Variants in STXBP5L observed in about 807,000 individuals in gnomAD.
STXBP5L encodes syntaxin binding protein 5L, also known as syntaxin-binding protein 5-like.
STXBP5L carries 65 observed loss-of-function variants against 144.5 expected under a neutral mutation model. That is an observed-to-expected ratio of 0.45 (90% CI 0.37 to 0.55). The LOEUF (loss-of-function observed/expected upper bound fraction) is 0.55. STXBP5L is among the 20% of genes least tolerant of loss of function. STXBP5L has a pLI of 0.00. For synonymous variants in STXBP5L, 505 were observed against 469.6 expected (o/e 1.08, Z -0.97); for missense variants, 1,298 against 1,405.5 (o/e 0.92, Z 1.22).
rs146719934 is a variant in STXBP5L at position 121,036,906 on chromosome 3, TA to T, written c.288-4793del. On this transcript the variant is annotated intron_variant, in intron 3 of 26. Transcript: ENST00000471454. ...GGCATAAATCCCACTGGTTATATTA[TA>T]TAATTCTTTAAAAAATTTTAAAAAT... Among the ~76,000 whole-genome samples, 899 of 151,816 alleles carry T rather than the reference TA, an allele frequency of 5.9e-3. 8 individuals are homozygous for T. The highest frequency in any genetic ancestry group is 0.02 in the African/African-American group (830 of 41,502).
intron 9 of STXBP5L, among the ~76,000 whole-genome samples, chr3:121,202,602 C>G (rs2048180284): frequency 6.6e-6 from 1 of 151,774 alleles, no homozygotes; most frequent in South Asian, 2.1e-4. Flanking sequence ...AACAAATTCT[C>G]TCAGTTTTTG....
In STXBP5L at chr3:121,378,866, CTTT is replaced by C. The variant is rs762367901; in HGVS notation, c.2328_2330del (p.Leu777del). 2.1e-5 allele frequency: 34 copies of C among 1,613,252 alleles called. No individual in the cohort carries two copies. The highest frequency in any genetic ancestry group is 1.2e-4 in the Admixed American group (7 of 59,832). Reference sequence around the variant, plus strand: ...CAGTCAGCAGCCTGCATGGAGATTTCTTTACCAGTTACAACAGAAGGTATGTTA... The same window carrying C: ...CAGTCAGCAGCCTGCATGGAGATTTCACCAGTTACAACAGAAGGTATGTTA... On this transcript the variant is annotated inframe_deletion, in exon 21 of 27. Coordinates refer to ENST00000471454, the MANE Select transcript of STXBP5L (RefSeq NM_001308330.2).
chr3:121,006,639 C>T (rs908766820), intron 3 of STXBP5L, among the ~76,000 whole-genome samples: 1 of 152,102 alleles, frequency 6.6e-6, no homozygotes, highest in South Asian at 2.1e-4. Context: ...CAGTTTCTTC[C>T]TAGTATCAAT....
Position 121,168,038 on chromosome 3 carries a change from CAG to C in STXBP5L, c.877+10412_877+10413del, listed in dbSNP as rs2046565644. 3.3e-5 allele frequency among the ~76,000 whole-genome samples: 5 copies of C among 152,154 alleles called. No homozygotes were observed. In the South Asian group the frequency reaches 1.0e-3, roughly 32 times the overall value. On this transcript the variant is annotated intron_variant, in intron 9 of 26. Transcript: ENST00000471454. Reference sequence around the variant, plus strand: ...CCACCACTGGTGATACCCAGGCAAACAGGGTCTGGAGTGGACCTCCAGCAAAC... The same window carrying C: ...CCACCACTGGTGATACCCAGGCAAACGGTCTGGAGTGGACCTCCAGCAAAC...
chr3:120,964,280 C>T (rs1336233196), intron 3 of STXBP5L, among the ~76,000 whole-genome samples: 1 of 152,202 alleles, frequency 6.6e-6, no homozygotes, highest in African/African-American at 2.4e-5. Flanking sequence ...TCCTTCAGTT[C>T]TGCTCTGATC....
chr3:121,062,675 G>T (rs974290102), intron 5 of STXBP5L, among the ~76,000 whole-genome samples: 1 of 152,140 alleles, frequency 6.6e-6, no homozygotes, highest in Non-Finnish European at 1.5e-5. Flanking sequence ...TTTTCACATA[G>T]TCCCATATTT....
intron 3 of STXBP5L, among the ~76,000 whole-genome samples, chr3:121,034,480 T>A (rs1946613798): frequency 6.6e-6 from 1 of 152,130 alleles, no homozygotes; most frequent in Non-Finnish European, 1.5e-5. Flanking sequence ...TATGGCTGAA[T>A]AGTATTCCAT....
At chr3:121,003,903 T>C (rs1211709609) in intron 3 of STXBP5L, among the ~76,000 whole-genome samples, 1 of 152,074 alleles carries the variant, frequency 6.6e-6, no homozygotes, top group Admixed American at 6.6e-5. Context: ...TTCTGTTCCA[T>C]TGGTCTACTC....
At chr3:121,179,010 G>A (rs917824258) in intron 9 of STXBP5L, among the ~76,000 whole-genome samples, 2 of 152,008 alleles carry the variant, frequency 1.3e-5, no homozygotes, top group African/African-American at 4.8e-5. Flanking sequence ...GTGGGCACTT[G>A]GCATTACAGG....
At chr3:121,293,496 T>A (rs1343824223) in intron 19 of STXBP5L, among the ~76,000 whole-genome samples, 2 of 152,196 alleles carry the variant, frequency 1.3e-5, no homozygotes, top group Non-Finnish European at 2.9e-5. Flanking sequence ...AACAAGGCTA[T>A]TTTTTAAAAG....
intron 3 of STXBP5L, among the ~76,000 whole-genome samples, chr3:120,991,824 G>T (rs533944291): frequency 2.0e-5 from 3 of 149,350 alleles, no homozygotes; most frequent in East Asian, 2.0e-4. Flanking sequence ...GGTGGGGGCA[G>T]GGGGGAGGGA....
At chr3:121,136,063 AT>A (rs2045244198) in intron 7 of STXBP5L, among the ~76,000 whole-genome samples, 10 of 152,194 alleles carry the variant, frequency 6.6e-5, no homozygotes, top group Admixed American at 6.5e-4. Context: ...TGGCAGGCAG[AT>A]TATAGCTGCT....
At chr3:121,252,636 G>A (rs181660888) in intron 15 of STXBP5L, among the ~76,000 whole-genome samples, 63 of 152,234 alleles carry the variant, frequency 4.1e-4, no homozygotes, top group African/African-American at 1.5e-3. Context: ...GTGAAACACT[G>A]TCTAATACAG....
chr3:120,948,854 C>T (rs866249901), intron 2 of STXBP5L, among the ~76,000 whole-genome samples: 27 of 151,844 alleles, frequency 1.8e-4, no homozygotes, highest in South Asian at 8.3e-4. Flanking sequence ...GGAAATTGTG[C>T]AGCTATAAGC....
At chr3:121,203,960 T>A (rs2048236410) in intron 9 of STXBP5L, among the ~76,000 whole-genome samples, 1 of 152,120 alleles carries the variant, frequency 6.6e-6, no homozygotes, top group African/African-American at 2.4e-5. Flanking sequence ...TGTTCAGGGC[T>A]GGGCTTGGTG....
At chr3:121,124,799 A>G (rs2044628878) in intron 7 of STXBP5L, among the ~76,000 whole-genome samples, 1 of 152,078 alleles carries the variant, frequency 6.6e-6, no homozygotes, top group African/African-American at 2.4e-5. Context: ...TGCAGTGTTG[A>G]GTAAAAATGG....
chr3:120,966,466 G>T (rs1031838368), intron 3 of STXBP5L, among the ~76,000 whole-genome samples: 1 of 152,154 alleles, frequency 6.6e-6, no homozygotes, highest in Non-Finnish European at 1.5e-5. Flanking sequence ...TGGGGTTTTG[G>T]TGTAGATGAC....
rs527888385 is a variant in STXBP5L at position 121,054,630 on chromosome 3, C to G, written c.470+9095C>G. Among the ~76,000 whole-genome samples the G allele has an allele frequency of 1.1e-3, 169 of 150,460 alleles. 3 individuals carry two copies. The highest frequency in any genetic ancestry group is 0.011 in the Admixed American group (161 of 15,124). On this transcript the variant is annotated intron_variant, in intron 5 of 26. Transcript: ENST00000471454. ...GGGAGGGATAGCATTAGGAGATATACCTAATGGTAAATGACGAGTTAATGG... is the reference window on the plus strand; with the variant it reads ...GGGAGGGATAGCATTAGGAGATATAGCTAATGGTAAATGACGAGTTAATGG...
chr3:121,052,311 A>C (rs1022657143), intron 5 of STXBP5L, among the ~76,000 whole-genome samples: 1 of 152,194 alleles, frequency 6.6e-6, no homozygotes, highest in Non-Finnish European at 1.5e-5. Flanking sequence ...ATTTAAGACC[A>C]ATATCCCTGA....
Sources: allele counts gnomAD v4.1 joint callset (sites outside exome capture counted in the v4.1 genomes callset), GRCh38; gene constraint gnomAD v4.1.1; transcripts MANE v1.5; gene names NCBI Gene and HGNC (gene_info 2026-07-23, HGNC 2026-07-21).